APC: variants seen among roughly 807,000 people sequenced by gnomAD.
APC encodes the protein APC regulator of Wnt signaling pathway.
In APC, 72 loss-of-function variants were observed where a neutral mutation model predicts 247.0. The ratio of observed to expected loss-of-function variants is 0.29; its 90% CI spans 0.24 to 0.35. The LOEUF is 0.35. APC is among the 10% of genes least tolerant of loss of function. APC has a pLI of 1.00. For synonymous variants in APC, 1,254 were observed against 1,162.5 expected (o/e 1.08, Z -1.60); for missense variants, 3,400 against 3,360.7 (o/e 1.01, Z -0.29).
chr5:112,794,244 C>CT (rs147730118), intron 7 of APC, among the ~76,000 whole-genome samples: 1 of 152,190 alleles, frequency 6.6e-6, no homozygotes, highest in Non-Finnish European at 1.5e-5. Flanking sequence ...CCATGCCTGA[C>CT]TAATTTTTGT....
chr5:112,806,582 T>TGA (rs1461766306), intron 8 of APC, among the ~76,000 whole-genome samples: 215 of 151,268 alleles, frequency 1.4e-3, no homozygotes, highest in African/African-American at 5.1e-3. Flanking sequence ...ATTTATTTAT[T>TGA]TATTTATTTA....
Position 112,839,294 on chromosome 5 carries a change from A to T in APC, c.3700A>T (p.Ser1234Cys), listed in dbSNP as rs876659366. The T allele has an allele frequency of 1.2e-6, 2 of 1,614,058 alleles. No individual in the cohort carries two copies. The highest frequency in any genetic ancestry group is 1.7e-6 in the Non-Finnish European group (2 of 1,180,036). ...CAAGAGGCAGAATCAGCTCCATCCA[A>T]GTTCTGCACAGAGTAGAAGTGGTCA... is the stretch of plus-strand genomic sequence containing the variant. ...NAKRQNQLHP[S>C]SAQSRSGQPQ... is the part of the protein sequence containing the mutation. Residue 1234 changes from serine to cysteine, a missense_variant, in exon 16 of 16, where the codon AGT becomes TGT. Coordinates refer to ENST00000257430, the MANE Select transcript of APC (RefSeq NM_000038.6). The surrounding 1 kb of genome is among the most constrained non-coding windows in gnomAD (Gnocchi z 5.0).
rs1765421692 is a variant in APC, at chr5:112,839,018, A to G, written c.3424A>G (p.Asn1142Asp). The change falls in exon 16 of 16, where the codon AAT (asparagine) becomes GAT (aspartate). Residue 1142 changes from asparagine (N) to aspartate (D), a missense_variant. Physicochemically the swap from Asn to Asp is conservative, Grantham distance 23. Around this residue, in one of 9 missense-constraint regions of APC, gnomAD observed 715 missense variants for 656.6 expected, o/e 1.09. Coordinates refer to ENST00000257430, the MANE Select transcript of APC (RefSeq NM_000038.6). This position sits in a 1 kb window ranked among gnomAD's most constrained non-coding sequence, Gnocchi z 5.0. ...EDDYEDDKPT[N>D]YSERYSEEEQ... is the part of the protein sequence containing the mutation. ...TGACTATGAAGATGATAAGCCTACCAATTATAGTGAACGTTACTCTGAAGA... is the reference window on the plus strand; with the variant it reads ...TGACTATGAAGATGATAAGCCTACCGATTATAGTGAACGTTACTCTGAAGA... 4.3e-6 allele frequency: 7 copies of G among 1,614,154 alleles called. No homozygotes were observed. Among genetic ancestry groups the G allele is most frequent in the Non-Finnish European group, 5.1e-6 (6 of 1,180,016 alleles).
Position 112,765,523 on chromosome 5 carries a change from C to T in APC, c.136-803C>T, listed in dbSNP as rs1033240447. Among the ~76,000 whole-genome samples, 20 of 152,274 alleles carry T rather than the reference C, an allele frequency of 1.3e-4. No individual in the cohort carries two copies. The East Asian group carries it at 3.3e-3, about 25-fold the overall frequency. The stretch of plus-strand genomic sequence containing the variant: ...ACAGATTACTTTTCTTATAGGGGAA[C>T]GTTCCATTTAGTTACAAAGTTGCAA... On this transcript the variant is annotated intron_variant, in intron 2 of 15. Coordinates refer to ENST00000257430, the MANE Select transcript of APC (RefSeq NM_000038.6).
chr5:112,829,976 G>A (rs1461559070), intron 14 of APC: 2 of 152,106 alleles, frequency 1.3e-5, no homozygotes, highest in East Asian at 3.8e-4. Flanking sequence ...ATCTGAGAGG[G>A]ACCAAGCAAG....
In APC at chr5:112,840,169, GCCT is replaced by G. The variant is rs1554085983; in HGVS notation, c.4578_4580del (p.Pro1527del). The stretch of plus-strand genomic sequence containing the variant: ...AGAAAGATGTGGAATTAAGAATAAT[GCCT>G]CCAGTTCAGGAAAATGACAATGGGA... On this transcript the variant is annotated inframe_deletion, in exon 16 of 16. Coordinates refer to ENST00000257430, the MANE Select transcript of APC (RefSeq NM_000038.6). This position sits in a 1 kb window ranked among gnomAD's most constrained non-coding sequence, Gnocchi z 4.1. 2 of 1,614,012 alleles carry G rather than the reference GCCT, an allele frequency of 1.2e-6. No homozygotes were observed. The highest frequency in any genetic ancestry group is 1.7e-6 in the Non-Finnish European group (2 of 1,180,008).
At chr5:112,751,900 G>A (rs996103148) in intron 1 of APC, among the ~76,000 whole-genome samples, 1 of 151,838 alleles carries the variant, frequency 6.6e-6, no homozygotes, top group Admixed American at 6.6e-5. Flanking sequence ...TTAAAGAAAT[G>A]TTCTTTTTTA....
At chr5:112,740,045 A>T (rs1204571992) in intron 1 of APC, among the ~76,000 whole-genome samples, 1 of 151,818 alleles carries the variant, frequency 6.6e-6, no homozygotes, top group African/African-American at 2.4e-5. Context: ...CTTTTATTAC[A>T]TACATACAAA....
chr5:112,776,030 G>A (rs899389857), intron 5 of APC, among the ~76,000 whole-genome samples: 22 of 152,146 alleles, frequency 1.4e-4, no homozygotes, highest in African/African-American at 4.8e-4. Context: ...TTTTAACTCC[G>A]TGTATTGAAT....
chr5:112,786,046 A>G (rs951309427), intron 6 of APC, among the ~76,000 whole-genome samples: 2 of 152,222 alleles, frequency 1.3e-5, no homozygotes, highest in African/African-American at 4.8e-5. Flanking sequence ...TCTCTAAAAT[A>G]TAAGAATTCC....
At chr5:112,824,377 A>G (rs1763436055) in intron 11 of APC, among the ~76,000 whole-genome samples, 2 of 152,296 alleles carry the variant, frequency 1.3e-5, no homozygotes, top group South Asian at 4.1e-4. Flanking sequence ...GTGCCTCAAA[A>G]TTCTCTGAAA....
chr5:112,713,309 CT>C, intron 1 of APC, among the ~76,000 whole-genome samples: 1 of 152,234 alleles, frequency 6.6e-6, no homozygotes, highest in South Asian at 2.1e-4. Context: ...GCATGCTTAA[CT>C]TTGGGCTCAG....
At chr5:112,804,647 G>C (rs1761182862) in intron 8 of APC, among the ~76,000 whole-genome samples, 1 of 152,242 alleles carries the variant, frequency 6.6e-6, no homozygotes, top group East Asian at 1.9e-4. Flanking sequence ...CAAATTGCTG[G>C]GATAACAGGC....
intron 4 of APC, among the ~76,000 whole-genome samples, chr5:112,772,749 T>G (rs1041823779): frequency 6.6e-6 from 1 of 152,176 alleles, no homozygotes; most frequent in Non-Finnish European, 1.5e-5. Flanking sequence ...ACTCCTGACT[T>G]CAAGTGATCC....
chr5:112,769,959 A>G (rs1024080788), intron 4 of APC, among the ~76,000 whole-genome samples: 2 of 152,146 alleles, frequency 1.3e-5, no homozygotes, highest in African/African-American at 4.8e-5. Flanking sequence ...TAAGGAGTGA[A>G]CTTGGGTCCA....
chr5:112,773,634 C>A (rs1226693162), intron 4 of APC, among the ~76,000 whole-genome samples: 2 of 152,070 alleles, frequency 1.3e-5, no homozygotes, highest in African/African-American at 4.8e-5. Context: ...TTAAGAAAAT[C>A]ATAATGAAGT....
rs1554080006 is a variant in APC, at chr5:112,819,114, A to G, written c.1082A>G (p.His361Arg). The G allele has an allele frequency of 1.2e-6, 2 of 1,614,084 alleles. No homozygotes were observed. Among genetic ancestry groups the G allele is most frequent in the Non-Finnish European group, 1.7e-6 (2 of 1,179,998 alleles). ...GCLPLLIQLLHGNDKDSVLLG... is the reference protein window; with the variant it reads ...GCLPLLIQLLRGNDKDSVLLG... ...CTTCCTCTCCTCATCCAGCTTTTAC[A>G]TGGCAATGACAAAGACTCTGTATTG... Residue 361 changes from histidine to arginine, a missense_variant, in exon 10 of 16, where the codon CAT becomes CGT. By Grantham distance (29) the His-to-Arg change is conservative. Around this residue, in one of 9 missense-constraint regions of APC, gnomAD observed 199 missense variants for 212.5 expected, o/e 0.94. Transcript: ENST00000257430.
intron 1 of APC, among the ~76,000 whole-genome samples, chr5:112,749,479 ATT>A (rs536428390): frequency 5.8e-5 from 6 of 104,072 alleles, no homozygotes; most frequent in Non-Finnish European, 5.6e-5. Context: ...TACTGCTCCA[ATT>A]TTTTTTTTTT....
chr5:112,782,706 G>A (rs1343241326), intron 6 of APC, among the ~76,000 whole-genome samples: 2 of 152,102 alleles, frequency 1.3e-5, no homozygotes, highest in Non-Finnish European at 2.9e-5. Context: ...GTATGTTTCT[G>A]ATATTAGAGT....
Sources: allele counts gnomAD v4.1 joint callset (sites outside exome capture counted in the v4.1 genomes callset), GRCh38; gene constraint gnomAD v4.1.1; regional missense constraint gnomAD v4.1.1; non-coding constraint Gnocchi (gnomAD v3.1); transcripts MANE v1.5; gene names NCBI Gene and HGNC (gene_info 2026-07-23, HGNC 2026-07-21).